Variants in ZNF77 observed in about 807,000 individuals in gnomAD.
The protein encoded by ZNF77 is ZNFpT1.
ZNF77 carries 15 observed loss-of-function variants against 13.5 expected under a neutral mutation model. That is an observed-to-expected ratio of 1.11 (90% confidence interval 0.74 to 1.71). The LOEUF is 1.71. Among genes scored for constraint, ZNF77 ranks in the 40% most tolerant of loss-of-function variants. The pLI is 0.00. For synonymous variants in ZNF77, 282 were observed against 250.0 expected (o/e 1.13, Z -1.21); for missense variants, 717 against 676.4 (o/e 1.06, Z -0.67).
Position 2,934,627 on chromosome 19 carries a change from C to T in ZNF77, c.500G>A (p.Cys167Tyr), listed in dbSNP as rs141883841. The T allele has an allele frequency of 3.6e-3, 5,797 of 1,614,180 alleles. 18 individuals are homozygous for T. The highest frequency in any genetic ancestry group is 4.4e-3 in the Non-Finnish European group (5,187 of 1,180,010). ...GGAGAGGCAGCTGCAGGCTTGCCCA[C>T]ATTCCTTACACGGTCTCTGTCCAGT... is the stretch of plus-strand genomic sequence containing the variant. ...SHTGQRPCKECGQACSCLSCQ... is the reference protein window; with the variant it reads ...SHTGQRPCKEYGQACSCLSCQ... Residue 167 changes from cysteine to tyrosine, a missense_variant, in exon 4 of 4, where the codon TGT (cysteine) becomes TAT (tyrosine). Transcript: ENST00000314531.
chr19:2,937,249 C>T (rs879722598), intron 2 of ZNF77, among the ~76,000 whole-genome samples: 7 of 151,976 alleles, frequency 4.6e-5, no homozygotes, highest in African/African-American at 1.2e-4. Flanking sequence ...TTTGGGAGGC[C>T]GAAGCGGGTG....
intron 1 of ZNF77, among the ~76,000 whole-genome samples, chr19:2,940,456 C>T (rs1395554557): frequency 6.6e-6 from 1 of 151,938 alleles, no homozygotes; most frequent in Non-Finnish European, 1.5e-5. Flanking sequence ...GGGCGGATCA[C>T]AAGGTTAAGA....
chr19:2,936,518 A>G lies in ZNF77; in HGVS notation c.311+6T>C. On this transcript the variant is annotated splice_donor_region_variant and intron_variant, in intron 3 of 3. Transcript: ENST00000314531. ...AGGCCCATCCCTCCGGTTGAGCGCC[A>G]CTCACCTCAGATGCCTCTGTGGGAT... The G allele has an allele frequency of 6.3e-7, 1 of 1,583,892 alleles. No homozygotes were observed. The highest frequency in any genetic ancestry group is 2.0e-5 in the Admixed American group (1 of 51,236).
intron 1 of ZNF77, among the ~76,000 whole-genome samples, chr19:2,940,129 G>A (rs1007666538): frequency 3.3e-5 from 5 of 151,850 alleles, no homozygotes; most frequent in Admixed American, 2.0e-4. Flanking sequence ...GACGAGCCTG[G>A]GTGACAGAGC....
In ZNF77 at chr19:2,941,886, G is replaced by C. The variant is rs561725435; in HGVS notation, c.4-2479C>G. Reference sequence around the variant, plus strand: ...CGCCCACCTCACAATATGGCATGGGGCTGTGTGTGCGCCTTTCCCCTCATC... The same window carrying C: ...CGCCCACCTCACAATATGGCATGGGCCTGTGTGTGCGCCTTTCCCCTCATC... On this transcript the variant is annotated intron_variant, in intron 1 of 3. Transcript: ENST00000314531. 8.1e-4 allele frequency among the ~76,000 whole-genome samples: 123 copies of C among 152,000 alleles called. 1 individual carries two copies. The highest frequency in any genetic ancestry group is 2.9e-3 in the African/African-American group (120 of 41,474).
Position 2,934,655 on chromosome 19 carries a change from G to C in ZNF77, c.472C>G (p.His158Asp). The change falls in exon 4 of 4, where the codon CAC becomes GAC. Residue 158 changes from histidine (H) to aspartate (D), a missense_variant. Physicochemically the swap from His to Asp is moderately conservative, Grantham distance 81. Transcript: ENST00000314531. ...TCCTTACACGGTCTCTGTCCAGTGT[G>C]AGATCTCTGCCGATTCTCGAAGGCT... ...GKAFENRQRS[H>D]TGQRPCKECG... The C allele has an allele frequency of 6.2e-7, 1 of 1,614,078 alleles. No homozygotes were observed. Among genetic ancestry groups the C allele is most frequent in the South Asian group, 1.1e-5 (1 of 91,068 alleles).
rs762357197 is a variant in ZNF77, at chr19:2,934,367, A to AG, written c.759dup (p.Tyr254LeufsTer16). The AG allele has an allele frequency of 2.0e-4, 326 of 1,614,076 alleles. No individual in the cohort carries two copies. The highest frequency in any genetic ancestry group is 2.6e-4 in the Non-Finnish European group (308 of 1,180,038). ...TGAGTTCTTACGTGCCGTGTAAGGT[A>AG]GGAGTAATACATAAAGGTCTTCCCA... On this transcript the variant is annotated frameshift_variant, in exon 4 of 4. Coordinates refer to ENST00000314531, the MANE Select transcript of ZNF77 (RefSeq NM_021217.3). LOFTEE classifies it low-confidence loss of function (END_TRUNC).
intron 1 of ZNF77, among the ~76,000 whole-genome samples, chr19:2,944,196 T>G: frequency 1.3e-5 from 1 of 79,332 alleles, no homozygotes. Context: ...CCCCCCAAAC[T>G]TCCCTCAAGC....
At position 2,933,364 on chromosome 19, in the gene ZNF77, A is replaced by T; in HGVS notation, c.*125T>A. The T allele has an allele frequency of 2.5e-6, 3 of 1,220,668 alleles. No individual in the cohort carries two copies. Among genetic ancestry groups the T allele is most frequent in the Non-Finnish European group, 3.3e-6 (3 of 895,980 alleles). The allele number at this position is 1,220,668 out of a possible 1,614,324, so 75.6% of individuals were successfully genotyped here. A position where few individuals can be genotyped will look rare whatever the true frequency, so the allele number is the denominator to read the frequency against. On this transcript the variant is annotated 3_prime_UTR_variant, in exon 4 of 4. Transcript: ENST00000314531. ...ATTAAGAGATTTCTCTCCTACTCTG[A>T]ATTTTTAGGTACAAAATAAGTGCTA... is the stretch of plus-strand genomic sequence containing the variant.
rs1391722122 is a variant in ZNF77 at position 2,934,153 on chromosome 19, T to C, written c.974A>G (p.Gln325Arg). 5.0e-6 allele frequency: 8 copies of C among 1,614,158 alleles called. No individual in the cohort carries two copies. Among genetic ancestry groups the C allele is most frequent in the Non-Finnish European group, 6.8e-6 (8 of 1,180,014 alleles). ...VRTHTGEKPCQCKHCGKAFTC... is the reference protein window; with the variant it reads ...VRTHTGEKPCRCKHCGKAFTC... ...GAACGCTTTTCCGCAATGTTTACAC[T>C]GACAGGGTTTCTCTCCAGTGTGCGT... The change falls in exon 4 of 4, where the codon CAG becomes CGG. Residue 325 changes from glutamine (Q) to arginine (R), a missense_variant. Coordinates refer to ENST00000314531, the MANE Select transcript of ZNF77 (RefSeq NM_021217.3).
chr19:2,934,856 A>G (rs1438673350), intron 3 of ZNF77, 41 bp from the exon 4 acceptor site: 16 of 1,540,388 alleles, frequency 1.0e-5, no homozygotes, highest in African/African-American at 1.4e-5. Flanking sequence ...ATGAATGACT[A>G]TAAGTGATTA....
rs763669199 is a variant in ZNF77, at chr19:2,933,960, G to C, written c.1167C>G (p.Phe389Leu). ...PYVCKQCGKA[F>L]GCPTYFRRHV... Reference sequence around the variant, plus strand: ...GTCTTCTAAAGTAAGTGGGACATCCGAAGGCCTTCCCACACTGCTTGCACA... The same window carrying C: ...GTCTTCTAAAGTAAGTGGGACATCCCAAGGCCTTCCCACACTGCTTGCACA... Residue 389 changes from phenylalanine to leucine, a missense_variant, in exon 4 of 4, where the codon TTC becomes TTG. Phe to Leu is a conservative substitution (Grantham distance 22, BLOSUM62 0). Coordinates refer to ENST00000314531, the MANE Select transcript of ZNF77 (RefSeq NM_021217.3). 6.2e-7 allele frequency: 1 copy of C among 1,614,094 alleles called. No individual in the cohort carries two copies. Among genetic ancestry groups the C allele is most frequent in the East Asian group, 2.2e-5 (1 of 44,876 alleles).
intron 2 of ZNF77, among the ~76,000 whole-genome samples, chr19:2,938,544 A>G (rs565652761): frequency 2.3e-4 from 35 of 152,318 alleles, no homozygotes; most frequent in African/African-American, 7.7e-4. Context: ...AATATCAATC[A>G]TACACAAAAC....
At chr19:2,941,213 C>T (rs1182458316) in intron 1 of ZNF77, among the ~76,000 whole-genome samples, 3 of 147,756 alleles carry the variant, frequency 2.0e-5, no homozygotes, top group African/African-American at 5.0e-5. Flanking sequence ...TGAGGTGGCT[C>T]ACACCTGTAA....
At chr19:2,941,980 G>A (rs528898404) in intron 1 of ZNF77, among the ~76,000 whole-genome samples, 74 of 152,174 alleles carry the variant, frequency 4.9e-4, no homozygotes, top group African/African-American at 1.8e-3. Flanking sequence ...CTAAGCCATG[G>A]TATAACACCA....
rs1351134021 is a variant in ZNF77, at chr19:2,933,384, G to C, written c.*105C>G. ...CTCTGAATTTTTAGGTACAAAATAA[G>C]TGCTATACCAGGTTTTCCTACATGC... is the stretch of plus-strand genomic sequence containing the variant. On this transcript the variant is annotated 3_prime_UTR_variant, in exon 4 of 4. Coordinates refer to ENST00000314531, the MANE Select transcript of ZNF77 (RefSeq NM_021217.3). The C allele has an allele frequency of 5.8e-6, 8 of 1,374,468 alleles. No homozygotes were observed. The highest frequency in any genetic ancestry group is 7.8e-6 in the Non-Finnish European group (8 of 1,025,820). The allele number at this position is 1,374,468 out of a possible 1,614,324, so 85.1% of individuals were successfully genotyped here. A position where few individuals can be genotyped will look rare whatever the true frequency, so the allele number is the denominator to read the frequency against.
chr19:2,935,509 T>C (rs1395810858), intron 3 of ZNF77, among the ~76,000 whole-genome samples: 1 of 149,438 alleles, frequency 6.7e-6, no homozygotes, highest in East Asian at 1.9e-4. Context: ...TTTTTTTTTT[T>C]CAGTAGAGAT....
intron 1 of ZNF77, among the ~76,000 whole-genome samples, chr19:2,942,370 CTTTTTTTTT>C (rs71179937): frequency 2.9e-5 from 3 of 102,092 alleles, no homozygotes; most frequent in African/African-American, 4.0e-5. Context: ...GCGCCCGGCT[CTTTTTTTTT>C]TTTTTTTTTT....
intron 2 of ZNF77, among the ~76,000 whole-genome samples, chr19:2,938,679 G>T (rs563310529): frequency 6.6e-6 from 1 of 152,154 alleles, no homozygotes; most frequent in East Asian, 1.9e-4. Flanking sequence ...ATCTTAGGCC[G>T]GGCGCGGTGG....
Sources: gnomAD v4.1 joint callset for allele counts (sites outside exome capture counted in the v4.1 genomes callset) on GRCh38, gnomAD v4.1.1 for gene constraint, MANE v1.5 for transcripts, NCBI Gene and HGNC (gene_info 2026-07-23, HGNC 2026-07-21) for gene names.